TTBK2: variants seen among roughly 807,000 people sequenced by gnomAD.
TTBK2 encodes the protein tau-tubulin kinase 2.
A neutral mutation model predicts 110.8 loss-of-function variants in TTBK2; 28 were observed. That is an observed-to-expected ratio of 0.25 (90% confidence interval 0.19 to 0.35). The LOEUF (loss-of-function observed/expected upper bound fraction) is 0.35, where lower values mean the gene tolerates loss of function less well. Ranked by LOEUF, TTBK2 falls within the 10% of genes least tolerant of loss-of-function variation. The probability of loss-of-function intolerance (pLI) is 1.00; values close to 1 mark genes in which losing one functional copy is unlikely to be tolerated. For synonymous variants in TTBK2, 532 were observed against 527.3 expected (o/e 1.01, Z -0.12); for missense variants, 1,369 against 1,500.3 (o/e 0.91, Z 1.45).
intron 12 of TTBK2, 39 bp downstream of exon 12, chr15:42,776,992 C>A: frequency 6.4e-7 from 1 of 1,572,368 alleles, no homozygotes; most frequent in Non-Finnish European, 8.8e-7. Flanking sequence ...AATAATGGTA[C>A]CTTAGAAGCT....
chr15:42,844,745 T>C (rs754552374), intron 3 of TTBK2, among the ~76,000 whole-genome samples: 3 of 152,140 alleles, frequency 2.0e-5, no homozygotes, highest in Non-Finnish European at 4.4e-5. Context: ...AACCAGAACA[T>C]GAAGCAGTTT....
At chr15:42,886,878 G>A (rs1473261833) in intron 1 of TTBK2, among the ~76,000 whole-genome samples, 1 of 152,192 alleles carries the variant, frequency 6.6e-6, no homozygotes, top group Non-Finnish European at 1.5e-5. Context: ...CCATCTGTGA[G>A]GGACGCCACT....
At chr15:42,917,057 TTAG>T (rs2031119392) in intron 1 of TTBK2, among the ~76,000 whole-genome samples, 1 of 152,158 alleles carries the variant, frequency 6.6e-6, no homozygotes, top group Non-Finnish European at 1.5e-5. Context: ...AAGAAGCTAC[TTAG>T]TAACTTCCAC....
intron 9 of TTBK2, chr15:42,798,168 G>A (rs1433326331): frequency 1.5e-5 from 7 of 455,178 alleles, no homozygotes; most frequent in South Asian, 9.3e-5. Context: ...ATAGGCATGA[G>A]ACACCATGCC....
intron 1 of TTBK2, among the ~76,000 whole-genome samples, chr15:42,893,850 T>G (rs1402018943): frequency 6.6e-6 from 1 of 152,182 alleles, no homozygotes; most frequent in African/African-American, 2.4e-5. Context: ...AACAACATTA[T>G]ACACAGAAAG....
At chr15:42,753,461 G>C (rs2061897977) in intron 13 of TTBK2, among the ~76,000 whole-genome samples, 1 of 152,144 alleles carries the variant, frequency 6.6e-6, no homozygotes, top group Admixed American at 6.5e-5. Flanking sequence ...GTCTCTCCCT[G>C]TAGGTTTATC....
intron 11 of TTBK2, among the ~76,000 whole-genome samples, chr15:42,780,346 TC>T (rs1567019681): frequency 4.7e-5 from 7 of 150,520 alleles, no homozygotes; most frequent in Non-Finnish European, 7.4e-5. Flanking sequence ...TCATTCTTTT[TC>T]TTTTTTTTTT....
intron 3 of TTBK2, among the ~76,000 whole-genome samples, chr15:42,842,692 C>T (rs2141021001): frequency 6.6e-6 from 1 of 151,526 alleles, no homozygotes; most frequent in African/African-American, 2.4e-5. Flanking sequence ...TTGAGACCAG[C>T]CTGGGCAACA....
chr15:42,890,006 T>C (rs1895391332), intron 1 of TTBK2, among the ~76,000 whole-genome samples: 1 of 152,226 alleles, frequency 6.6e-6, no homozygotes. Flanking sequence ...TCCTGTGACC[T>C]GCACGTATAT....
At chr15:42,748,372 G>A (rs1490155069) in intron 14 of TTBK2, among the ~76,000 whole-genome samples, 4 of 151,952 alleles carry the variant, frequency 2.6e-5, no homozygotes, top group Admixed American at 6.6e-5. Flanking sequence ...CAGGAGAATC[G>A]CTTGAACTTG....
intron 1 of TTBK2, among the ~76,000 whole-genome samples, chr15:42,882,483 G>A (rs1484498501): frequency 6.6e-6 from 1 of 151,406 alleles, no homozygotes; most frequent in East Asian, 1.9e-4. Context: ...GTGTGGTGGT[G>A]CATGTCTGTA....
At chr15:42,913,233 GT>G (rs2030887921) in intron 1 of TTBK2, among the ~76,000 whole-genome samples, 1 of 151,804 alleles carries the variant, frequency 6.6e-6, no homozygotes. Flanking sequence ...AGAAGAGAAG[GT>G]AAGTTTATTC....
In TTBK2 at chr15:42,745,936, G is replaced by A. The variant is rs2061787344; in HGVS notation, c.3594C>T (p.Ser1198=). 1 of 1,614,032 alleles carries A rather than the reference G, an allele frequency of 6.2e-7. No individual in the cohort carries two copies. Among genetic ancestry groups the A allele is most frequent in the Non-Finnish European group, 8.5e-7 (1 of 1,180,036 alleles). ...CCTGTTGGCAGGACCTCCTGGAGGA[G>A]GAAGATCCTGAGTGGCTGGGAGGTG... is the stretch of plus-strand genomic sequence containing the variant. ...SKSPPSHSGS[S]SSRRSCQQEH... Residue 1198 remains serine (S), a synonymous_variant, in exon 15 of 15, where the codon TCC becomes TCT. Coordinates refer to ENST00000267890, the MANE Select transcript of TTBK2 (RefSeq NM_173500.4).
At chr15:42,850,766 T>C (rs571431173) in intron 3 of TTBK2, among the ~76,000 whole-genome samples, 8 of 152,114 alleles carry the variant, frequency 5.3e-5, no homozygotes, top group African/African-American at 1.9e-4. Flanking sequence ...AAAAGTGAAG[T>C]TCTTAATTGT....
chr15:42,802,300 G>A (rs757694179), intron 9 of TTBK2: 8 of 788,022 alleles, frequency 1.0e-5, no homozygotes, highest in Middle Eastern at 2.5e-4. Flanking sequence ...GGAGAAGCTC[G>A]AGGAGCTGAT....
chr15:42,788,484 G>T (rs1890505423), intron 10 of TTBK2, among the ~76,000 whole-genome samples: 1 of 152,052 alleles, frequency 6.6e-6, no homozygotes, highest in South Asian at 2.1e-4. Context: ...ACTGAGGGTG[G>T]TACATTAACA....
intron 3 of TTBK2, among the ~76,000 whole-genome samples, chr15:42,850,863 A>G (rs1260658720): frequency 6.6e-6 from 1 of 152,050 alleles, no homozygotes; most frequent in Non-Finnish European, 1.5e-5. Flanking sequence ...AGAAGAAAAA[A>G]AAGCAGGAAT....
chr15:42,912,637 G>A (rs916576597), intron 1 of TTBK2, among the ~76,000 whole-genome samples: 1 of 151,918 alleles, frequency 6.6e-6, no homozygotes, highest in African/African-American at 2.4e-5. Flanking sequence ...CTTGAACCCG[G>A]GAGGCGGAGG....
chr15:42,816,945 T>A lies in TTBK2; in HGVS notation c.603+87A>T, dbSNP rs7183673. 0.074 allele frequency: 34,125 copies of A among 462,632 alleles called. 2,705 individuals are homozygous for A. The highest frequency in any genetic ancestry group is 0.34 in the African/African-American group (14,384 of 42,050). 28.7% of individuals were successfully genotyped at this position (462,632 alleles called of 1,614,324 possible). A position where few individuals can be genotyped will look rare whatever the true frequency, so the allele number is the denominator to read the frequency against. ...ACAAATATACATATATATATATATA[T>A]AAAATAATAATAAAATAAAAAAGAA... On this transcript the variant is annotated intron_variant, in intron 7 of 14. Coordinates refer to ENST00000267890, the MANE Select transcript of TTBK2 (RefSeq NM_173500.4).
Sources: allele counts gnomAD v4.1 joint callset (sites outside exome capture counted in the v4.1 genomes callset), GRCh38; gene constraint gnomAD v4.1.1; transcripts MANE v1.5; gene names NCBI Gene and HGNC (gene_info 2026-07-23, HGNC 2026-07-21).